The following KIAA1217 variants were observed in gnomAD, a reference collection of about 807,000 sequenced individuals.
The protein encoded by KIAA1217 is KIAA1217.
KIAA1217 carries 88 observed loss-of-function variants against 163.9 expected under a neutral mutation model. The ratio of observed to expected loss-of-function variants is 0.54; its 90% CI spans 0.45 to 0.64. KIAA1217 has a LOEUF of 0.64. Ranked by LOEUF, KIAA1217 falls within the 30% of genes least tolerant of loss-of-function variation. The probability of loss-of-function intolerance (pLI) is 0.00; values close to 1 mark genes in which losing one functional copy is unlikely to be tolerated. For missense variants in KIAA1217, 2,372 were observed against 2,475.0 expected, an observed-to-expected ratio of 0.96 and a Z score of 0.88; for synonymous variants, 903 against 923.1, an observed-to-expected ratio of 0.98 and a Z score of 0.39.
At chr10:23,738,925 G>A (rs375860127) in intron 1 of KIAA1217, among the ~76,000 whole-genome samples, 2 of 152,300 alleles carry the variant, frequency 1.3e-5, no homozygotes, top group East Asian at 3.9e-4. Flanking sequence ...CAGATAGAGG[G>A]ATGTGCCCTA....
chr10:24,220,296 G>A (rs1388971837), intron 2 of KIAA1217, among the ~76,000 whole-genome samples: 1 of 152,206 alleles, frequency 6.6e-6, no homozygotes, highest in Non-Finnish European at 1.5e-5. Context: ...AAAGCACGGA[G>A]TGCTTAGCAC....
intron 2 of KIAA1217, among the ~76,000 whole-genome samples, chr10:24,328,712 A>G (rs556180991): frequency 6.6e-6 from 1 of 152,228 alleles, no homozygotes; most frequent in South Asian, 2.1e-4. Context: ...TGTAATTAAT[A>G]TAAATTTTAT....
At chr10:24,307,999 C>T (rs2132921403) in intron 2 of KIAA1217, among the ~76,000 whole-genome samples, 1 of 152,200 alleles carries the variant, frequency 6.6e-6, no homozygotes, top group Middle Eastern at 3.4e-3. Flanking sequence ...TTTCTGGAGC[C>T]ACATTGAATG....
intron 5 of KIAA1217, among the ~76,000 whole-genome samples, chr10:24,447,231 A>ATATT (rs1002993132): frequency 2.1e-4 from 31 of 151,188 alleles, no homozygotes; most frequent in Non-Finnish European, 2.7e-4. Flanking sequence ...AATGATTTAT[A>ATATT]TATTTATTTA....
rs2069300858 is a variant in KIAA1217, at chr10:24,219,553, CCT to C, written c.71-70_71-69del. 8.6e-6 allele frequency: 11 copies of C among 1,277,514 alleles called. No homozygotes were observed. In the South Asian group the frequency reaches 1.7e-4, roughly 20 times the overall value. 79.1% of individuals were successfully genotyped at this position (1,277,514 alleles called of 1,614,324 possible). On this transcript the variant is annotated intron_variant, in intron 1 of 20. Coordinates refer to ENST00000376454, the MANE Select transcript of KIAA1217 (RefSeq NM_019590.5). ...TCATACATTAACAACTGCCGCAAAC[CCT>C]CTTGGTGTTCTGCAAATGAGACTTC...
At chr10:24,234,724 C>G (rs955125768) in intron 2 of KIAA1217, among the ~76,000 whole-genome samples, 2 of 149,582 alleles carry the variant, frequency 1.3e-5, no homozygotes, top group African/African-American at 4.9e-5. Flanking sequence ...CAGCCTAATT[C>G]GTTAAGTCTG....
At chr10:24,374,362 C>A (rs2134598484) in intron 2 of KIAA1217, among the ~76,000 whole-genome samples, 1 of 152,278 alleles carries the variant, frequency 6.6e-6, no homozygotes. Flanking sequence ...CTGCTCACAT[C>A]CAGCATCCAG....
intron 2 of KIAA1217, among the ~76,000 whole-genome samples, chr10:24,137,101 GCATCA>G (rs527530822): frequency 1.1e-3 from 174 of 152,308 alleles, no homozygotes; most frequent in African/African-American, 3.8e-3. Flanking sequence ...GTAAAAACAT[GCATCA>G]TGTGGAATCA....
At chr10:23,980,083 TC>T (rs1419617470) in intron 1 of KIAA1217, among the ~76,000 whole-genome samples, 1 of 152,186 alleles carries the variant, frequency 6.6e-6, no homozygotes, top group African/African-American at 2.4e-5. Flanking sequence ...TTTCAAGTGT[TC>T]CTTGGTCCTT....
intron 2 of KIAA1217, among the ~76,000 whole-genome samples, chr10:24,039,883 G>A (rs1305818317): frequency 6.6e-6 from 1 of 151,966 alleles, no homozygotes; most frequent in African/African-American, 2.4e-5. Context: ...GGAGAACCCT[G>A]ACTAGTACAA....
At chr10:23,743,204 C>A (rs771416805) in intron 1 of KIAA1217, among the ~76,000 whole-genome samples, 7 of 151,486 alleles carry the variant, frequency 4.6e-5, no homozygotes, top group Non-Finnish European at 5.9e-5. Context: ...AAAATTGGAA[C>A]TTGCCTCCTG....
chr10:24,052,875 C>CT (rs1377012098), intron 2 of KIAA1217, among the ~76,000 whole-genome samples: 2 of 152,068 alleles, frequency 1.3e-5, no homozygotes, highest in African/African-American at 4.8e-5. Context: ...ATCAATCTGC[C>CT]TATTAGATTA....
rs537378734 is a variant in KIAA1217, at chr10:23,856,736, C to G, written c.-320-150489C>G. On this transcript the variant is annotated intron_variant, in intron 1 of 18. Coordinates refer to the KIAA1217 transcript ENST00000376462. ...ATGGCAGGCGCCCCTCCCCCAGCCT[C>G]GCTGCTGCCTTGCAGTTTGATCTCA... is the stretch of plus-strand genomic sequence containing the variant. 1.9e-3 allele frequency among the ~76,000 whole-genome samples: 297 copies of G among 152,374 alleles called. 1 individual carries two copies. Among genetic ancestry groups the G allele is most frequent in the African/African-American group, 6.7e-3 (279 of 41,592 alleles).
At chr10:23,869,065 A>G (rs898252283) in intron 1 of KIAA1217, among the ~76,000 whole-genome samples, 3 of 149,952 alleles carry the variant, frequency 2.0e-5, no homozygotes, top group Non-Finnish European at 4.4e-5. Context: ...TTTTTTTATA[A>G]ATGTGTTTTC....
chr10:24,297,309 T>G (rs1182241682), intron 2 of KIAA1217, among the ~76,000 whole-genome samples: 1 of 152,198 alleles, frequency 6.6e-6, no homozygotes, highest in African/African-American at 2.4e-5. Flanking sequence ...GCATGCTTAG[T>G]GGTCTGTTTC....
chr10:23,845,792 A>G (rs1262369403), intron 1 of KIAA1217, among the ~76,000 whole-genome samples: 3 of 152,198 alleles, frequency 2.0e-5, no homozygotes, highest in Non-Finnish European at 2.9e-5. Context: ...TGTTTTGGAC[A>G]TGAAATCTTT....
At chr10:23,893,448 G>A (rs1841503923) in intron 1 of KIAA1217, among the ~76,000 whole-genome samples, 2 of 151,824 alleles carry the variant, frequency 1.3e-5, no homozygotes, top group African/African-American at 2.4e-5. Context: ...ACCAGCTCCT[G>A]GATTCTTTAA....
rs868467292 is a variant in KIAA1217, at chr10:24,176,988, C to T, written c.-170-42638C>T. ...CCCGGGTGCTAAGTCCCTCACTGCCCGGGGCCGGTGGTGCCAGCTGGCTGC... is the reference window on the plus strand; with the variant it reads ...CCCGGGTGCTAAGTCCCTCACTGCCTGGGGCCGGTGGTGCCAGCTGGCTGC... On this transcript the variant is annotated intron_variant, in intron 2 of 18. Transcript: ENST00000376462. 1.1e-4 allele frequency among the ~76,000 whole-genome samples: 16 copies of T among 152,062 alleles called. No individual in the cohort carries two copies. In the South Asian group the frequency reaches 1.5e-3, roughly 14 times the overall value.
At chr10:23,900,739 G>T (rs547199140) in intron 1 of KIAA1217, among the ~76,000 whole-genome samples, 32 of 152,140 alleles carry the variant, frequency 2.1e-4, no homozygotes, top group Non-Finnish European at 1.5e-4. Context: ...TTGTATATAG[G>T]AGGTAGGAAG....
Sources: gnomAD v4.1 joint callset for allele counts (sites outside exome capture counted in the v4.1 genomes callset) on GRCh38, gnomAD v4.1.1 for gene constraint, MANE v1.5 for transcripts, NCBI Gene and HGNC (gene_info 2026-07-23, HGNC 2026-07-21) for gene names.